Variants in PHACTR1 observed in about 807,000 individuals in gnomAD.
PHACTR1 encodes the protein phosphatase and actin regulator 1.
PHACTR1 carries 16 observed loss-of-function variants against 69.2 expected under a neutral mutation model. That is an observed-to-expected ratio of 0.23 (90% confidence interval 0.16 to 0.35). PHACTR1 has a LOEUF of 0.35. PHACTR1 is among the 10% of genes least tolerant of loss of function. PHACTR1 has a pLI of 1.00. For synonymous variants in PHACTR1, 312 were observed against 284.5 expected, an observed-to-expected ratio of 1.10 and a Z score of -0.97; for missense variants, 510 against 734.7, an observed-to-expected ratio of 0.69 and a Z score of 3.54.
chr6:13,284,532 AAAAAAAAAAAAATATATAT>A (rs1267429300), intron 13 of PHACTR1, among the ~76,000 whole-genome samples: 5 of 109,562 alleles, frequency 4.6e-5, no homozygotes, highest in African/African-American at 8.9e-5. Context: ...AAAAAAAAAA[AAAAAAAAAAAAATATATAT>A]ATATATATAT....
chr6:12,784,451 C>G (rs1407409055), intron 4 of PHACTR1, among the ~76,000 whole-genome samples: 1 of 151,082 alleles, frequency 6.6e-6, no homozygotes, highest in African/African-American at 2.5e-5. Flanking sequence ...TATCTATACA[C>G]ATATACCTAT....
At chr6:13,034,658 C>G (rs1803029046) in intron 4 of PHACTR1, among the ~76,000 whole-genome samples, 1 of 152,104 alleles carries the variant, frequency 6.6e-6, no homozygotes, top group South Asian at 2.1e-4. Flanking sequence ...GACTTGTTTG[C>G]CAGACTTAAA....
chr6:12,904,864 T>G (rs1785561207), intron 4 of PHACTR1, among the ~76,000 whole-genome samples: 1 of 152,084 alleles, frequency 6.6e-6, no homozygotes, highest in African/African-American at 2.4e-5. Context: ...TTTTTGTATA[T>G]AAAGGGAACA....
intron 4 of PHACTR1, among the ~76,000 whole-genome samples, chr6:12,990,306 TC>T (rs1394482217): frequency 1.3e-5 from 2 of 152,138 alleles, no homozygotes; most frequent in African/African-American, 4.8e-5. Flanking sequence ...TGATCAGATG[TC>T]CCAAGGAGCT....
At position 12,856,251 on chromosome 6, in the gene PHACTR1, C is replaced by CTTTTTTTTTT. The variant is rs201867496; in HGVS notation, c.250+106464_250+106465insTTTTTTTTTT. On this transcript the variant is annotated intron_variant, in intron 4 of 14. Coordinates refer to ENST00000332995, the MANE Select transcript of PHACTR1 (RefSeq NM_030948.6). ...TTCTTTTCTTTTTCTTTCTTTCTTT[C>CTTTTTTTTTT]TTTCTTTTTTTTTTTTTCTGAGACA... 2.2e-3 allele frequency among the ~76,000 whole-genome samples: 209 copies of CTTTTTTTTTT among 95,224 alleles called. 2 individuals are homozygous for CTTTTTTTTTT. Among genetic ancestry groups the CTTTTTTTTTT allele is most frequent in the African/African-American group, 5.8e-3 (192 of 33,182 alleles). The allele number at this position is 95,224 out of a possible 152,430, so 62.5% of individuals were successfully genotyped here.
chr6:13,054,015 A>G (rs1165083915), intron 5 of PHACTR1, among the ~76,000 whole-genome samples: 2 of 152,208 alleles, frequency 1.3e-5, no homozygotes, highest in African/African-American at 4.8e-5. Context: ...GAATCATTGT[A>G]GTGGCAAAGA....
intron 4 of PHACTR1, among the ~76,000 whole-genome samples, chr6:12,777,625 C>CTTTTTTTT (rs869096915): frequency 3.3e-4 from 33 of 99,012 alleles, no homozygotes; most frequent in Non-Finnish European, 4.8e-4. Context: ...CTTTCTTCTT[C>CTTTTTTTT]TTTTTTTTTT....
chr6:12,949,643 A>C (rs549686899), intron 4 of PHACTR1, among the ~76,000 whole-genome samples: 2 of 152,236 alleles, frequency 1.3e-5, no homozygotes, highest in African/African-American at 4.8e-5. Context: ...ATTTAAAATA[A>C]ATTTAAAGAA....
At chr6:13,120,899 T>A (rs767008576) in intron 5 of PHACTR1, among the ~76,000 whole-genome samples, 4 of 152,186 alleles carry the variant, frequency 2.6e-5, no homozygotes, top group Non-Finnish European at 5.9e-5. Context: ...ATTTGTATCA[T>A]TAAACTCAGT....
intron 4 of PHACTR1, among the ~76,000 whole-genome samples, chr6:12,896,323 G>A (rs1034193111): frequency 2.6e-5 from 4 of 152,310 alleles, no homozygotes; most frequent in South Asian, 2.1e-4. Context: ...CTGCATACAC[G>A]TGCTGTAATT....
At chr6:13,009,893 C>T (rs1349686339) in intron 4 of PHACTR1, among the ~76,000 whole-genome samples, 1 of 140,366 alleles carries the variant, frequency 7.1e-6, no homozygotes, top group Non-Finnish European at 1.5e-5. Flanking sequence ...CACCACCACC[C>T]TCTGCCCCCT....
chr6:12,834,941 C>T (rs1487303371), intron 4 of PHACTR1, among the ~76,000 whole-genome samples: 7 of 152,222 alleles, frequency 4.6e-5, no homozygotes, highest in East Asian at 3.9e-4. Context: ...ATACCCTCTT[C>T]GTAAAAATGT....
At chr6:13,075,299 GCC>G (rs938794241) in intron 5 of PHACTR1, among the ~76,000 whole-genome samples, 13 of 152,124 alleles carry the variant, frequency 8.5e-5, no homozygotes, top group African/African-American at 3.1e-4. Context: ...TAAGCAACTT[GCC>G]CCAAGGTCGC....
chr6:12,875,934 A>G (rs977278424), intron 4 of PHACTR1, among the ~76,000 whole-genome samples: 1 of 152,226 alleles, frequency 6.6e-6, no homozygotes, highest in African/African-American at 2.4e-5. Context: ...GGTCTGCTCC[A>G]GCATTCTTGG....
At chr6:12,881,831 C>T (rs1783126805) in intron 4 of PHACTR1, among the ~76,000 whole-genome samples, 1 of 152,094 alleles carries the variant, frequency 6.6e-6, no homozygotes, top group African/African-American at 2.4e-5. Flanking sequence ...TGTCCCATGC[C>T]AGCAGAGAGT....
chr6:12,750,507 GGAAGGAGGGAAGGAAGGAAGGAAA>G (rs1334281503), intron 4 of PHACTR1, among the ~76,000 whole-genome samples: 61 of 148,944 alleles, frequency 4.1e-4, no homozygotes, highest in Non-Finnish European at 6.8e-4. Flanking sequence ...AAGAAAAGAA[GGAAGGAGGGAAGGAAGGAAGGAAA>G]GAAGGAGGGA....
chr6:13,036,810 C>T (rs1803379649), intron 4 of PHACTR1, among the ~76,000 whole-genome samples: 1 of 152,186 alleles, frequency 6.6e-6, no homozygotes, highest in South Asian at 2.1e-4. Flanking sequence ...ATCTTAACTA[C>T]AGTGGTTTGT....
chr6:13,016,307 G>A (rs1286781272), intron 4 of PHACTR1, among the ~76,000 whole-genome samples: 1 of 152,266 alleles, frequency 6.6e-6, no homozygotes, highest in Non-Finnish European at 1.5e-5. Context: ...AGGCACACCT[G>A]TATTATGTCC....
chr6:13,198,743 G>A (rs762384072), intron 7 of PHACTR1, among the ~76,000 whole-genome samples: 4 of 152,162 alleles, frequency 2.6e-5, no homozygotes, highest in Non-Finnish European at 2.9e-5. Flanking sequence ...GCAGGCCGCC[G>A]GTTGGACAAC....
Sources: allele counts gnomAD v4.1 joint callset (sites outside exome capture counted in the v4.1 genomes callset), GRCh38; gene constraint gnomAD v4.1.1; transcripts MANE v1.5; gene names NCBI Gene and HGNC (gene_info 2026-07-23, HGNC 2026-07-21).